Variants in CLASP1 observed in about 807,000 individuals in gnomAD.
The protein encoded by CLASP1 is CLIP-associating protein 1.
CLASP1 carries 38 observed loss-of-function variants against 192.3 expected under a neutral mutation model. The ratio of observed to expected loss-of-function variants is 0.20; its 90% confidence interval spans 0.15 to 0.26. The LOEUF (loss-of-function observed/expected upper bound fraction) is 0.26, where lower values mean the gene tolerates loss of function less well. Ranked by LOEUF, CLASP1 falls within the 10% of genes least tolerant of loss-of-function variation. The pLI is 1.00. For synonymous variants in CLASP1, 691 were observed against 712.8 expected, an observed-to-expected ratio of 0.97 and a Z score of 0.49; for missense variants, 1,433 against 1,932.5, an observed-to-expected ratio of 0.74 and a Z score of 4.85.
intron 8 of CLASP1, among the ~76,000 whole-genome samples, chr2:121,502,312 C>T (rs2093781111): frequency 6.6e-6 from 1 of 152,182 alleles, no homozygotes; most frequent in African/African-American, 2.4e-5. Context: ...AAAGGTCCTG[C>T]TCTCATGAGT....
At chr2:121,532,049 T>C (rs1159955120) in intron 2 of CLASP1, among the ~76,000 whole-genome samples, 2 of 152,064 alleles carry the variant, frequency 1.3e-5, no homozygotes, top group Non-Finnish European at 2.9e-5. Context: ...GGGGCAACAG[T>C]TAGGATTTCT....
intron 8 of CLASP1, chr2:121,470,595 G>A: frequency 2.3e-6 from 1 of 436,066 alleles, no homozygotes; most frequent in South Asian, 1.7e-5. Context: ...AGATATTTAG[G>A]GTGTTTCTAA....
At chr2:121,388,610 G>A (rs2073774497) in intron 30 of CLASP1, among the ~76,000 whole-genome samples, 1 of 152,174 alleles carries the variant, frequency 6.6e-6, no homozygotes. Flanking sequence ...GGTCAATGAG[G>A]CTCGGGCTTC....
chr2:121,375,521 G>C (rs112391579), intron 34 of CLASP1, among the ~76,000 whole-genome samples: 5,853 of 151,938 alleles, frequency 0.039, 158 homozygotes, highest in East Asian at 0.14. Context: ...GCACCACCAA[G>C]CCCAGCTAAT....
At chr2:121,601,155 T>C (rs932100690) in intron 2 of CLASP1, among the ~76,000 whole-genome samples, 1 of 152,134 alleles carries the variant, frequency 6.6e-6, no homozygotes, top group Non-Finnish European at 1.5e-5. Flanking sequence ...CATCCTAATA[T>C]GCACATAGAA....
intron 13 of CLASP1, among the ~76,000 whole-genome samples, 190 bp downstream of exon 13, chr2:121,458,650 T>C (rs2087201977): frequency 6.6e-6 from 1 of 152,172 alleles, no homozygotes; most frequent in African/African-American, 2.4e-5. Context: ...ATTCACATTA[T>C]GGATTATAAA....
chr2:121,546,703 A>C (rs72971223), intron 2 of CLASP1, among the ~76,000 whole-genome samples: 5,832 of 152,166 alleles, frequency 0.038, 157 homozygotes, highest in East Asian at 0.14. Flanking sequence ...CTCAGGCGCA[A>C]ACAGAGACCC....
Position 121,527,910 on chromosome 2 carries a change from G to T in CLASP1, c.379-20C>A. On this transcript the variant is annotated intron_variant, in intron 4 of 39. Coordinates refer to ENST00000263710, the Ensembl canonical transcript of CLASP1. ...TACGTACTGCAGATGACAAAGAACA[G>T]GTGAGGAAAGGAGAAGACTGCTGCA... 6.3e-7 allele frequency: 1 copy of T among 1,593,404 alleles called. No homozygotes were observed. The highest frequency in any genetic ancestry group is 8.6e-7 in the Non-Finnish European group (1 of 1,161,414).
At chr2:121,503,104 T>A in intron 8 of CLASP1, 63 bp downstream of exon 8, 2 of 1,029,714 alleles carry the variant, frequency 1.9e-6, no homozygotes, top group Non-Finnish European at 2.9e-6. Context: ...TCTTCACATA[T>A]AACATAAATG....
intron 8 of CLASP1, among the ~76,000 whole-genome samples, chr2:121,482,028 C>T (rs772686408): frequency 7.2e-5 from 11 of 152,106 alleles, no homozygotes; most frequent in East Asian, 1.9e-4. Context: ...TCCACTGTGC[C>T]CACCAACCAA....
intron 2 of CLASP1, chr2:121,531,058 A>AAC (rs1427107791): frequency 1.4e-6 from 1 of 696,910 alleles, no homozygotes; most frequent in Non-Finnish European, 2.6e-6. Flanking sequence ...GTAATTCGTA[A>AAC]ATAAACTAGT....
chr2:121,383,697 T>C (rs1297472130), intron 32 of CLASP1, among the ~76,000 whole-genome samples: 1 of 152,024 alleles, frequency 6.6e-6, no homozygotes, highest in Non-Finnish European at 1.5e-5. Flanking sequence ...TATACTTTTT[T>C]TTTTCTTAAA....
intron 7 of CLASP1, among the ~76,000 whole-genome samples, chr2:121,513,411 T>C (rs1401057569): frequency 6.6e-6 from 1 of 152,140 alleles, no homozygotes; most frequent in Non-Finnish European, 1.5e-5. Flanking sequence ...CCAAGTTCTT[T>C]TGTAGCGCCT....
intron 19 of CLASP1, among the ~76,000 whole-genome samples, chr2:121,432,009 A>G (rs1419834032): frequency 1.3e-5 from 2 of 152,350 alleles, no homozygotes; most frequent in Admixed American, 6.5e-5. Flanking sequence ...TTTATCAAGC[A>G]GCACTTATGT....
intron 25 of CLASP1, among the ~76,000 whole-genome samples, chr2:121,405,032 G>C (rs1421510462): frequency 1.3e-5 from 2 of 152,218 alleles, no homozygotes; most frequent in African/African-American, 4.8e-5. Context: ...CTCTGGGCCA[G>C]GGGCAGTGGC....
At chr2:121,408,584 G>T (rs1037407822) in intron 24 of CLASP1, among the ~76,000 whole-genome samples, 1 of 152,156 alleles carries the variant, frequency 6.6e-6, no homozygotes, top group Non-Finnish European at 1.5e-5. Context: ...ACTTGCTCAG[G>T]ACTGTTCTGC....
At chr2:121,537,836 A>AT (rs2095131195) in intron 2 of CLASP1, among the ~76,000 whole-genome samples, 2 of 152,324 alleles carry the variant, frequency 1.3e-5, no homozygotes, top group South Asian at 4.1e-4. Flanking sequence ...TAATAACATG[A>AT]TTTTCCCCTT....
intron 2 of CLASP1, among the ~76,000 whole-genome samples, chr2:121,563,462 C>A (rs2059262424): frequency 6.6e-6 from 1 of 152,186 alleles, no homozygotes; most frequent in South Asian, 2.1e-4. Context: ...TGCTTTCAAA[C>A]ATACCATGCT....
intron 3 of CLASP1, 47 bp downstream of exon 3, chr2:121,530,200 T>C: frequency 1.3e-6 from 2 of 1,485,982 alleles, no homozygotes; most frequent in Admixed American, 2.0e-5. Context: ...GAGGGAAGGC[T>C]GGGGGTCTGA....
Sources: allele counts gnomAD v4.1 joint callset (sites outside exome capture counted in the v4.1 genomes callset), GRCh38; gene constraint gnomAD v4.1.1; transcripts MANE v1.5; gene names NCBI Gene and HGNC (gene_info 2026-07-23, HGNC 2026-07-21).